Variants in POLD3 observed in about 807,000 individuals in gnomAD.
POLD3 encodes the protein DNA polymerase delta subunit 3.
In POLD3, 19 loss-of-function variants were observed where a neutral mutation model predicts 58.2. That is an observed-to-expected ratio of 0.33 (90% confidence interval 0.23 to 0.48). The LOEUF (loss-of-function observed/expected upper bound fraction) is 0.48. Ranked by LOEUF, POLD3 falls within the 20% of genes least tolerant of loss-of-function variation. The pLI is 0.99. For synonymous variants in POLD3, 172 were observed against 193.5 expected (o/e 0.89, Z 0.92); for missense variants, 504 against 545.5 (o/e 0.92, Z 0.76).
At chr11:74,606,499 A>G (rs1490600835) in intron 3 of POLD3, among the ~76,000 whole-genome samples, 1 of 152,120 alleles carries the variant, frequency 6.6e-6, no homozygotes, top group African/African-American at 2.4e-5. Context: ...TTTTTTGGTC[A>G]TTGATCCCCT....
At chr11:74,646,576 C>T (rs150449193), downstream of POLD3, among the ~76,000 whole-genome samples, 24 of 152,342 alleles carry the variant, frequency 1.6e-4, no homozygotes, top group African/African-American at 5.8e-4. Context: ...CCAAATAGAG[C>T]ATACTGCTGT....
At chr11:74,631,718 G>A (rs1326596345) in intron 9 of POLD3, among the ~76,000 whole-genome samples, 7 of 151,946 alleles carry the variant, frequency 4.6e-5, no homozygotes, top group African/African-American at 1.2e-4. Context: ...TCCTGACCCC[G>A]TGATCCACCC....
In POLD3 at chr11:74,620,385, T is replaced by A. The variant is rs192048270; in HGVS notation, c.733+296T>A. Among the ~76,000 whole-genome samples the A allele has an allele frequency of 3.9e-5, 6 of 152,288 alleles. No homozygotes were observed. The East Asian group carries it at 9.6e-4, about 24-fold the overall frequency. On this transcript the variant is annotated intron_variant, in intron 7 of 11. Coordinates refer to ENST00000263681, the MANE Select transcript of POLD3 (RefSeq NM_006591.3). ...CATAGGGCCCTTGAAAATGGGTGAT[T>A]AAAATAAAAGGGAGGCTGCCTGGCT... is the stretch of plus-strand genomic sequence containing the variant.
chr11:74,593,464 C>T (rs7939226), intron 1 of POLD3, among the ~76,000 whole-genome samples: 24,015 of 152,194 alleles, frequency 0.16, 2,047 homozygotes, highest in Admixed American at 0.26. Flanking sequence ...TGCAAGTCTT[C>T]TAACTATTGG....
chr11:74,665,192 C>T (rs557570816), intron 4 of POLD3, among the ~76,000 whole-genome samples: 1 of 149,966 alleles, frequency 6.7e-6, no homozygotes, highest in Non-Finnish European at 1.5e-5. Context: ...GGGCTGCATG[C>T]CTGTAGTCCC....
At chr11:74,660,378 A>ATTTCTACT (rs2033190618) in intron 4 of POLD3, among the ~76,000 whole-genome samples, 3 of 152,190 alleles carry the variant, frequency 2.0e-5, no homozygotes, top group Non-Finnish European at 1.5e-5. Context: ...TATCCGTTTG[A>ATTTCTACT]ATAAACTTTC....
chr11:74,618,811 C>T lies in POLD3; in HGVS notation c.660+7C>T, dbSNP rs1349336293. 3 of 1,606,592 alleles carry T rather than the reference C, an allele frequency of 1.9e-6. No homozygotes were observed. The African/African-American group carries it at 4.0e-5, about 21-fold the overall frequency. On this transcript the variant is annotated splice_region_variant and intron_variant, in intron 6 of 11. Transcript: ENST00000263681. ...GGCTAAAGAAGTAACAAATGTAAGTCTTCTTTGAAGATACCCCTTCATTGC... is the reference window on the plus strand; with the variant it reads ...GGCTAAAGAAGTAACAAATGTAAGTTTTCTTTGAAGATACCCCTTCATTGC...
At chr11:74,595,166 T>A in intron 2 of POLD3, 1 of 14,728 alleles carries the variant, frequency 6.8e-5, no homozygotes, top group East Asian at 1.3e-3. Flanking sequence ...GGATGAACTC[T>A]TTTTTTTTTT....
chr11:74,660,449 C>G (rs1309129016), intron 4 of POLD3, among the ~76,000 whole-genome samples: 1 of 152,062 alleles, frequency 6.6e-6, no homozygotes, highest in African/African-American at 2.4e-5. Flanking sequence ...TAGATTTGCC[C>G]TTTTGAGCCT....
At chr11:74,628,160 A>T (rs1414634748) in intron 8 of POLD3, among the ~76,000 whole-genome samples, 1 of 152,070 alleles carries the variant, frequency 6.6e-6, no homozygotes. Context: ...TCATTATATA[A>T]CTTTATTCTT....
intron 7 of POLD3, among the ~76,000 whole-genome samples, chr11:74,622,803 A>T (rs2032306078): frequency 6.6e-6 from 1 of 152,228 alleles, no homozygotes; most frequent in African/African-American, 2.4e-5. Context: ...TAAAAGTTAA[A>T]CATAGAGTTT....
At chr11:74,634,517 A>G (rs956236724) in intron 9 of POLD3, 66 bp from the exon 10 acceptor site, 15 of 876,964 alleles carry the variant, frequency 1.7e-5, no homozygotes, top group African/African-American at 1.2e-4. Context: ...TAGAGAACCA[A>G]TGGAGAAGGC....
chr11:74,595,601 GA>G (rs1288344829), intron 2 of POLD3: 5 of 152,080 alleles, frequency 3.3e-5, no homozygotes, highest in African/African-American at 1.2e-4. Flanking sequence ...GGTGTGCTTT[GA>G]AGCACAGACA....
intron 4 of POLD3, among the ~76,000 whole-genome samples, chr11:74,659,469 C>T (rs2033179276): frequency 6.6e-6 from 1 of 152,180 alleles, no homozygotes; most frequent in African/African-American, 2.4e-5. Flanking sequence ...TGAATTTCTC[C>T]CCAGTAGATG....
intron 4 of POLD3, among the ~76,000 whole-genome samples, chr11:74,658,312 C>G (rs926165365): frequency 6.6e-6 from 1 of 152,122 alleles, no homozygotes; most frequent in African/African-American, 2.4e-5. Context: ...ATTACCTCCC[C>G]CGGGGTCCCT....
In POLD3 at chr11:74,612,747, C is replaced by T. The variant is rs114519735; in HGVS notation, c.260-131C>T. On this transcript the variant is annotated intron_variant, in intron 4 of 11. Transcript: ENST00000263681. The stretch of plus-strand genomic sequence containing the variant: ...AGTTGATGTTTCACTGTATATGTGG[C>T]TGTGTGGCCTTTAGAGTTTTTTGGA... 258 of 656,282 alleles carry T rather than the reference C, an allele frequency of 3.9e-4. 4 individuals carry two copies. The African/African-American group carries it at 4.5e-3, about 11-fold the overall frequency. The allele number at this position is 656,282 out of a possible 1,614,324, so 40.7% of individuals were successfully genotyped here.
Position 74,642,650 on chromosome 11 carries a change from G to A in POLD3, c.*1884G>A, listed in dbSNP as rs1377966840. 1 of 979,186 alleles carries A rather than the reference G, an allele frequency of 1.0e-6. No homozygotes were observed. Among genetic ancestry groups the A allele is most frequent in the Non-Finnish European group, 1.2e-6 (1 of 824,904 alleles). 60.7% of individuals were successfully genotyped at this position (979,186 alleles called of 1,614,324 possible). On this transcript the variant is annotated 3_prime_UTR_variant, in exon 12 of 12. Transcript: ENST00000263681. ...CTGCAAGGCTTAGTAAGTATTGAGT[G>A]GTGTTTTTTTTTTCTTTTTATACAA...
chr11:74,641,335 A>G lies in POLD3; in HGVS notation c.*569A>G, dbSNP rs1353251614. The G allele has an allele frequency of 4.1e-6, 4 of 985,320 alleles. No individual in the cohort carries two copies. The highest frequency in any genetic ancestry group is 1.1e-4 in the East Asian group (1 of 8,828). The allele number at this position is 985,320 out of a possible 1,614,324, so 61.0% of individuals were successfully genotyped here. On this transcript the variant is annotated 3_prime_UTR_variant, in exon 12 of 12. Coordinates refer to ENST00000263681, the MANE Select transcript of POLD3 (RefSeq NM_006591.3). ...AATCTCCCTGTAATCCTCTTCCTCCATTATGCAGTACACGGACACCTGGCT... is the reference window on the plus strand; with the variant it reads ...AATCTCCCTGTAATCCTCTTCCTCCGTTATGCAGTACACGGACACCTGGCT...
chr11:74,636,200 T>G lies in POLD3; in HGVS notation c.1123T>G (p.Ser375Ala). 6.2e-7 allele frequency: 1 copy of G among 1,609,036 alleles called. No homozygotes were observed. Among genetic ancestry groups the G allele is most frequent in the African/African-American group, 1.3e-5 (1 of 74,940 alleles). ...ATTGTATCCTCTGACCTTTTAGAGC[T>G]CAAGTGGAGAAAACAAAAGAAAACG... ...TEPEPPSVKS[S>A]SGENKRKRKR... The change falls in exon 11 of 12, where the codon TCA becomes GCA. Residue 375 changes from serine to alanine, a missense_variant. This residue lies in a region of POLD3 where 385 missense variants were observed against 370.5 expected (regional missense o/e 1.04). Coordinates refer to ENST00000263681, the MANE Select transcript of POLD3 (RefSeq NM_006591.3).
Sources: gnomAD v4.1 joint callset for allele counts (sites outside exome capture counted in the v4.1 genomes callset) on GRCh38, gnomAD v4.1.1 for gene constraint, gnomAD v4.1.1 regional missense constraint, MANE v1.5 for transcripts, NCBI Gene and HGNC (gene_info 2026-07-23, HGNC 2026-07-21) for gene names.